The following CEMIP variants were observed in gnomAD, a reference collection of about 807,000 sequenced individuals.
The protein encoded by CEMIP is cell migration-inducing and hyaluronan-binding protein.
CEMIP carries 105 observed loss-of-function variants against 156.9 expected under a neutral mutation model. That is an observed-to-expected ratio of 0.67 (90% CI 0.57 to 0.79). CEMIP has a LOEUF of 0.79. Among genes scored for constraint, CEMIP ranks in the 30% least tolerant of loss-of-function variants. The probability of loss-of-function intolerance (pLI) is 0.00; values close to 1 mark genes in which losing one functional copy is unlikely to be tolerated. For missense variants in CEMIP, 1,457 were observed against 1,769.4 expected (o/e 0.82, Z 3.17); for synonymous variants, 676 against 668.4 (o/e 1.01, Z -0.17).
chr15:80,788,203 G>T (rs1895988634), intron 1 of CEMIP, among the ~76,000 whole-genome samples: 1 of 152,078 alleles, frequency 6.6e-6, no homozygotes, highest in South Asian at 2.1e-4. Flanking sequence ...GGGTGAGGTG[G>T]CTCACACCTG....
intron 6 of CEMIP, 70 bp downstream of exon 6, chr15:80,881,206 C>A: frequency 7.4e-7 from 1 of 1,351,244 alleles, no homozygotes; most frequent in Non-Finnish European, 1.1e-6. Flanking sequence ...GCTCCCTGGC[C>A]AGGTGCCGCT....
chr15:80,809,694 C>T (rs768092780), intron 1 of CEMIP, among the ~76,000 whole-genome samples: 8 of 152,120 alleles, frequency 5.3e-5, no homozygotes, highest in Non-Finnish European at 1.0e-4. Flanking sequence ...GGGGAAAATC[C>T]GCTTCTGGGC....
Position 80,949,052 on chromosome 15 carries a change from T to C in CEMIP, c.*128T>C, listed in dbSNP as rs1321722483. 5 of 1,277,586 alleles carry C rather than the reference T, an allele frequency of 3.9e-6. No homozygotes were observed. Among genetic ancestry groups the C allele is most frequent in the Non-Finnish European group, 5.6e-6 (5 of 885,554 alleles). The allele number at this position is 1,277,586 out of a possible 1,614,324, so 79.1% of individuals were successfully genotyped here. A position where few individuals can be genotyped will look rare whatever the true frequency, so the allele number is the denominator to read the frequency against. On this transcript the variant is annotated 3_prime_UTR_variant, in exon 30 of 30. Coordinates refer to ENST00000394685, the MANE Select transcript of CEMIP (RefSeq NM_001293298.2). Reference sequence around the variant, plus strand: ...GCCTGGGAAGGCCGTGTTTCAGCCCTGATGGGCCAAGGGAAGGCTATCAGA... The same window carrying C: ...GCCTGGGAAGGCCGTGTTTCAGCCCCGATGGGCCAAGGGAAGGCTATCAGA...
chr15:80,838,618 C>G (rs1302295221), intron 1 of CEMIP, among the ~76,000 whole-genome samples: 2 of 152,100 alleles, frequency 1.3e-5, no homozygotes, highest in African/African-American at 2.4e-5. Flanking sequence ...CCTCATCCAC[C>G]TCACTAGTCA....
At chr15:80,909,051 C>T (rs1261782032) in intron 13 of CEMIP, 46 bp from the exon 14 acceptor site, 2 of 1,585,408 alleles carry the variant, frequency 1.3e-6, no homozygotes, top group East Asian at 2.2e-5. Context: ...AGGGAAATCA[C>T]AAAGCATCTC....
intron 1 of CEMIP, among the ~76,000 whole-genome samples, chr15:80,837,536 C>CTT (rs1334704235): frequency 2.0e-5 from 3 of 152,184 alleles, no homozygotes; most frequent in Non-Finnish European, 2.9e-5. Flanking sequence ...AACATACAGT[C>CTT]AAAACTCAGA....
At chr15:80,826,624 C>T (rs1445877701) in intron 1 of CEMIP, among the ~76,000 whole-genome samples, 2 of 152,156 alleles carry the variant, frequency 1.3e-5, no homozygotes, top group Admixed American at 6.5e-5. Context: ...GCAGAGCCTC[C>T]ACCTTTCGCT....
intron 1 of CEMIP, among the ~76,000 whole-genome samples, chr15:80,867,802 G>C (rs945414816): frequency 1.3e-5 from 2 of 152,190 alleles, no homozygotes; most frequent in Non-Finnish European, 2.9e-5. Context: ...TGACCAGAGA[G>C]ATGCATTTTT....
At chr15:80,783,548 G>C (rs1895850793) in intron 1 of CEMIP, among the ~76,000 whole-genome samples, 1 of 152,154 alleles carries the variant, frequency 6.6e-6, no homozygotes, top group Non-Finnish European at 1.5e-5. Context: ...GTGGGTACTG[G>C]GGGAGACTTC....
At chr15:80,880,801 G>C (rs1898626189) in intron 5 of CEMIP, 99 bp from the exon 6 acceptor site, 1 of 931,800 alleles carries the variant, frequency 1.1e-6, no homozygotes, top group Admixed American at 1.7e-5. Flanking sequence ...CCGTGGTGGG[G>C]GGTCAGGGAG....
At chr15:80,858,356 G>A (rs1035188986) in intron 1 of CEMIP, among the ~76,000 whole-genome samples, 1 of 152,122 alleles carries the variant, frequency 6.6e-6, no homozygotes, top group Non-Finnish European at 1.5e-5. Flanking sequence ...ATTCTTTTCC[G>A]ATAAAGTAAT....
intron 1 of CEMIP, among the ~76,000 whole-genome samples, chr15:80,862,695 G>A (rs530438081): frequency 6.6e-6 from 1 of 152,338 alleles, no homozygotes; most frequent in Non-Finnish European, 1.5e-5. Context: ...GATAGCAGCA[G>A]GTGGATGAGG....
intron 1 of CEMIP, among the ~76,000 whole-genome samples, chr15:80,870,920 G>A (rs1256552013): frequency 6.6e-6 from 1 of 152,190 alleles, no homozygotes; most frequent in Admixed American, 6.5e-5. Flanking sequence ...CTCTGAGCAG[G>A]CCTCTAACCC....
chr15:80,880,973 GA>G lies in CEMIP; in HGVS notation c.455del (p.Glu152GlyfsTer13). The G allele has an allele frequency of 6.2e-7, 1 of 1,614,236 alleles. No homozygotes were observed. Reference sequence around the variant, plus strand: ...TGGGGTTGGTAAAGGAGGCGCTCTTGAGTTGCATGGACAGAAAAAGCTCTCC... The same window carrying G: ...TGGGGTTGGTAAAGGAGGCGCTCTTGGTTGCATGGACAGAAAAAGCTCTCC... ...YIGVGKGGALELHGQKKLSWT... is the reference protein window; with the variant it reads ...YIGVGKGGALXLHGQKKLSWT... On this transcript the variant is annotated frameshift_variant, in exon 6 of 30. Transcript: ENST00000394685. LOFTEE classifies it high-confidence loss of function.
At chr15:80,794,292 T>G (rs1896159503) in intron 1 of CEMIP, among the ~76,000 whole-genome samples, 1 of 152,136 alleles carries the variant, frequency 6.6e-6, no homozygotes. Context: ...TAACCAGAAG[T>G]TTTTCCTTTG....
intron 1 of CEMIP, among the ~76,000 whole-genome samples, chr15:80,794,524 G>T (rs1896165909): frequency 6.6e-6 from 1 of 152,132 alleles, no homozygotes. Flanking sequence ...CTAAGACAAA[G>T]TTTAAAAAGA....
At chr15:80,942,366 G>A (rs368834889) in intron 27 of CEMIP, 29 bp downstream of exon 27, 6 of 1,584,306 alleles carry the variant, frequency 3.8e-6, no homozygotes, top group East Asian at 2.2e-5. Context: ...TGGAGGATTC[G>A]GGTTTGCTCA....
chr15:80,845,571 T>C (rs1212477969), intron 1 of CEMIP, among the ~76,000 whole-genome samples: 1 of 152,224 alleles, frequency 6.6e-6, no homozygotes, highest in Non-Finnish European at 1.5e-5. Context: ...ATCATCACCT[T>C]CCTCTTTGTT....
intron 1 of CEMIP, among the ~76,000 whole-genome samples, chr15:80,870,161 C>T (rs1190069283): frequency 6.6e-6 from 1 of 152,196 alleles, no homozygotes; most frequent in African/African-American, 2.4e-5. Context: ...ATGCTCCTGG[C>T]TACCCCACCG....
Sources: gnomAD v4.1 joint callset for allele counts (sites outside exome capture counted in the v4.1 genomes callset) on GRCh38, gnomAD v4.1.1 for gene constraint, MANE v1.5 for transcripts, NCBI Gene and HGNC (gene_info 2026-07-23, HGNC 2026-07-21) for gene names.